TTC29: variants seen among roughly 807,000 people sequenced by gnomAD.
TTC29 encodes the protein tetratricopeptide repeat domain 29.
A neutral mutation model predicts 58.1 loss-of-function variants in TTC29; 49 were observed. The observed-to-expected ratio is 0.84, with a 90% CI of 0.67 to 1.07. The LOEUF (loss-of-function observed/expected upper bound fraction) is 1.07, where lower values mean the gene tolerates loss of function less well. TTC29 is among the 50% of genes least tolerant of loss of function. The probability of loss-of-function intolerance (pLI) is 0.00; values close to 1 mark genes in which losing one functional copy is unlikely to be tolerated. For missense variants in TTC29, 582 were observed against 555.6 expected (o/e 1.05, Z -0.48); for synonymous variants, 209 against 196.8 (o/e 1.06, Z -0.52).
At chr4:146,904,234 TACA>T (rs2150273777) in intron 5 of TTC29, among the ~76,000 whole-genome samples, 1 of 152,266 alleles carries the variant, frequency 6.6e-6, no homozygotes, top group East Asian at 1.9e-4. Context: ...GCCTGATAGA[TACA>T]ACAAATGATG....
intron 11 of TTC29, among the ~76,000 whole-genome samples, chr4:146,721,620 T>C (rs1220863014): frequency 1.3e-5 from 2 of 152,168 alleles, no homozygotes; most frequent in Non-Finnish European, 2.9e-5. Flanking sequence ...GACCGTTAGA[T>C]GTCTACTGAA....
At chr4:146,727,352 G>T (rs566930867) in intron 11 of TTC29, among the ~76,000 whole-genome samples, 1 of 152,022 alleles carries the variant, frequency 6.6e-6, no homozygotes, top group Non-Finnish European at 1.5e-5. Context: ...TTGACAAATC[G>T]TTATCACCCA....
intron 11 of TTC29, among the ~76,000 whole-genome samples, chr4:146,742,367 C>A (rs1745216576): frequency 6.6e-6 from 1 of 152,150 alleles, no homozygotes; most frequent in African/African-American, 2.4e-5. Flanking sequence ...AGGGGGCTAA[C>A]AAAGAACTCT....
At chr4:146,719,555 T>C (rs1743204720) in intron 11 of TTC29, among the ~76,000 whole-genome samples, 1 of 152,184 alleles carries the variant, frequency 6.6e-6, no homozygotes, top group Admixed American at 6.5e-5. Context: ...TTATTTGACT[T>C]TGTGGCAAGA....
intron 10 of TTC29, among the ~76,000 whole-genome samples, chr4:146,812,523 G>C (rs955286677): frequency 2.6e-5 from 4 of 152,140 alleles, no homozygotes; most frequent in African/African-American, 9.7e-5. Context: ...GTAGTGATAT[G>C]CCTAAAATTT....
intron 4 of TTC29, among the ~76,000 whole-genome samples, chr4:146,926,644 G>T: frequency 6.6e-6 from 1 of 151,822 alleles, no homozygotes; most frequent in South Asian, 2.1e-4. Context: ...TACATTTTTA[G>T]TAGAGACAGG....
chr4:146,783,169 T>C (rs993718868), intron 11 of TTC29, among the ~76,000 whole-genome samples: 7 of 152,056 alleles, frequency 4.6e-5, no homozygotes, highest in Non-Finnish European at 1.0e-4. Flanking sequence ...ACGCATACAT[T>C]GTGGAATGGC....
At chr4:146,939,198 C>T (rs1274833087) in intron 3 of TTC29, among the ~76,000 whole-genome samples, 1 of 152,158 alleles carries the variant, frequency 6.6e-6, no homozygotes, top group African/African-American at 2.4e-5. Context: ...CTCATCCCTA[C>T]AATCCCAGCA....
At chr4:146,773,811 A>G (rs1002330904) in intron 11 of TTC29, among the ~76,000 whole-genome samples, 8 of 151,766 alleles carry the variant, frequency 5.3e-5, no homozygotes, top group African/African-American at 1.9e-4. Flanking sequence ...TACTTTCAGT[A>G]GGAATGGCAC....
chr4:146,903,981 ATCTGG>A (rs1234266675), intron 5 of TTC29, among the ~76,000 whole-genome samples: 1 of 152,202 alleles, frequency 6.6e-6, no homozygotes, highest in Non-Finnish European at 1.5e-5. Flanking sequence ...AATTGACACT[ATCTGG>A]TTGAAACAGG....
intron 10 of TTC29, among the ~76,000 whole-genome samples, chr4:146,819,444 C>T (rs1162553891): frequency 6.6e-6 from 1 of 151,894 alleles, no homozygotes; most frequent in Non-Finnish European, 1.5e-5. Flanking sequence ...ATCAAAACAG[C>T]AATTATAACT....
chr4:146,816,242 A>G (rs1374278731), intron 10 of TTC29, among the ~76,000 whole-genome samples: 4 of 152,212 alleles, frequency 2.6e-5, no homozygotes, highest in Non-Finnish European at 4.4e-5. Context: ...ACACCATATC[A>G]TACTGCATAT....
chr4:146,806,502 G>A (rs1035453414), intron 10 of TTC29, among the ~76,000 whole-genome samples: 3 of 152,000 alleles, frequency 2.0e-5, no homozygotes, highest in Non-Finnish European at 4.4e-5. Flanking sequence ...CATGTGCAAA[G>A]GCACATATAG....
chr4:146,775,897 T>C (rs1382569625), intron 11 of TTC29, among the ~76,000 whole-genome samples: 1 of 152,244 alleles, frequency 6.6e-6, no homozygotes, highest in Non-Finnish European at 1.5e-5. Flanking sequence ...CAATAAATCA[T>C]AGATTTGGTC....
intron 8 of TTC29, among the ~76,000 whole-genome samples, chr4:146,834,705 C>T (rs886452738): frequency 6.6e-6 from 1 of 152,090 alleles, no homozygotes; most frequent in African/African-American, 2.4e-5. Flanking sequence ...TAGCAAAAGT[C>T]ATTTGACGGC....
rs988600354 is a variant in TTC29, at chr4:146,929,418, T to C, written c.176+8176A>G. ...ATTATTTTATCTTCCCCATGTCAGC[T>C]AGTATTTCAGTATTTTAGCTTCTTC... is the stretch of plus-strand genomic sequence containing the variant. On this transcript the variant is annotated intron_variant, in intron 4 of 12. Coordinates refer to ENST00000325106, the MANE Select transcript of TTC29 (RefSeq NM_031956.4). Among the ~76,000 whole-genome samples the C allele has an allele frequency of 4.6e-5, 7 of 152,302 alleles. No homozygotes were observed. In the South Asian group the frequency reaches 1.4e-3, roughly 32 times the overall value.
intron 4 of TTC29, among the ~76,000 whole-genome samples, chr4:146,918,170 A>G (rs1351971955): frequency 2.6e-5 from 4 of 151,096 alleles, no homozygotes; most frequent in Non-Finnish European, 5.9e-5. Flanking sequence ...TATTAATAAT[A>G]AAGAAAAGCA....
intron 6 of TTC29, among the ~76,000 whole-genome samples, chr4:146,895,682 C>G (rs914652584): frequency 1.4e-4 from 22 of 152,128 alleles, no homozygotes; most frequent in African/African-American, 5.1e-4. Context: ...CTGATTAGAA[C>G]AGATTAAAGC....
At chr4:146,775,193 T>C (rs1748001195) in intron 11 of TTC29, among the ~76,000 whole-genome samples, 1 of 152,222 alleles carries the variant, frequency 6.6e-6, no homozygotes, top group South Asian at 2.1e-4. Flanking sequence ...GTCTTGCTTC[T>C]TTATCCAACT....
Sources: gnomAD v4.1 joint callset for allele counts (sites outside exome capture counted in the v4.1 genomes callset) on GRCh38, gnomAD v4.1.1 for gene constraint, MANE v1.5 for transcripts, NCBI Gene and HGNC (gene_info 2026-07-23, HGNC 2026-07-21) for gene names.